Variants in CACNA1A observed in about 807,000 individuals in gnomAD.
The protein encoded by CACNA1A is voltage-dependent P/Q-type calcium channel subunit alpha-1A.
A neutral mutation model predicts 262.4 loss-of-function variants in CACNA1A; 57 were observed. The ratio of observed to expected loss-of-function variants is 0.22; its 90% CI spans 0.18 to 0.27. CACNA1A has a LOEUF of 0.27. Among genes scored for constraint, CACNA1A ranks in the 10% least tolerant of loss-of-function variants. The pLI is 1.00. For missense variants in CACNA1A, 2,526 were observed against 3,562.8 expected (o/e 0.71, Z 7.41); for synonymous variants, 1,431 against 1,419.3 (o/e 1.01, Z -0.18).
At chr19:13,386,328 G>A (rs944374460) in intron 3 of CACNA1A, among the ~76,000 whole-genome samples, 6 of 152,072 alleles carry the variant, frequency 3.9e-5, no homozygotes, top group Admixed American at 2.6e-4. Flanking sequence ...TGACCCATTC[G>A]TAGGCCTAAC....
intron 19 of CACNA1A, among the ~76,000 whole-genome samples, chr19:13,289,195 G>A (rs1370210989): frequency 7.0e-6 from 1 of 142,366 alleles, no homozygotes; most frequent in Non-Finnish European, 1.5e-5. Context: ...AGGTTGTAGT[G>A]CAGTGGCGCG....
At chr19:13,346,305 G>A (rs1253517560) in intron 6 of CACNA1A, among the ~76,000 whole-genome samples, 1 of 151,918 alleles carries the variant, frequency 6.6e-6, no homozygotes, top group African/African-American at 2.4e-5. Context: ...CAAATGCCAG[G>A]AACATCCTGC....
At chr19:13,225,001 TC>T (rs1193369760) in intron 37 of CACNA1A, 6 of 429,136 alleles carry the variant, frequency 1.4e-5, no homozygotes, top group African/African-American at 4.0e-5. Context: ...TCTCCTTTTT[TC>T]CCCCACCTGC....
intron 6 of CACNA1A, among the ~76,000 whole-genome samples, chr19:13,336,602 A>AGAGG (rs1568547480): frequency 1.2e-3 from 145 of 116,122 alleles, no homozygotes; most frequent in Middle Eastern, 4.8e-3. Context: ...AGGGAGAGAG[A>AGAGG]GAGAGAGAGA....
rs567188615 is a variant in CACNA1A, at chr19:13,435,323, C to T, written c.539+17553G>A. On this transcript the variant is annotated intron_variant, in intron 3 of 46. Transcript: ENST00000360228. ...AAGAGATGGGGTCTTGCTATATTGC[C>T]CAAGCTGGTCTCACACTCCCAATCT... Among the ~76,000 whole-genome samples the T allele has an allele frequency of 1.5e-4, 22 of 151,468 alleles. No individual in the cohort carries two copies. The South Asian group carries it at 4.4e-3, about 30-fold the overall frequency.
intron 19 of CACNA1A, 66 bp downstream of exon 19, chr19:13,298,478 C>T: frequency 7.4e-7 from 1 of 1,354,984 alleles, no homozygotes; most frequent in Non-Finnish European, 1.0e-6. Flanking sequence ...ACAGCACGTG[C>T]TACTTTGGCT....
intron 11 of CACNA1A, chr19:13,316,729 C>T (rs1301276871): frequency 1.2e-5 from 2 of 163,326 alleles, no homozygotes; most frequent in African/African-American, 4.8e-5. Flanking sequence ...AAGTTATGAA[C>T]ATTTCCAGAG....
In CACNA1A at chr19:13,286,830, C is replaced by T. The variant is rs554091859; in HGVS notation, c.3226G>A (p.Ala1076Thr). The change falls in exon 20 of 47, where the codon GCG becomes ACG. Residue 1076 changes from alanine to threonine, a missense_variant. Transcript: ENST00000360228. ...CTGCCGTGGGGAGCGGCCGACTCCG[C>T]GGTGGCCAGCTTGTTGTTCTTCATG... The part of the protein sequence containing the change: ...DNMKNNKLAT[A>T]ESAAPHGSLG... 9.5e-5 allele frequency: 153 copies of T among 1,613,520 alleles called. No individual in the cohort carries two copies. Among genetic ancestry groups the T allele is most frequent in the Non-Finnish European group, 1.1e-4 (135 of 1,179,778 alleles).
chr19:13,328,103 T>C (rs2058398177), intron 10 of CACNA1A, among the ~76,000 whole-genome samples: 1 of 151,662 alleles, frequency 6.6e-6, no homozygotes, highest in African/African-American at 2.4e-5. Flanking sequence ...TGGAGCCTTG[T>C]TATGTTGCCC....
chr19:13,336,594 G>GGGAGAGAGA (rs1555768097), intron 6 of CACNA1A, among the ~76,000 whole-genome samples: 1 of 65,494 alleles, frequency 1.5e-5, no homozygotes, highest in African/African-American at 5.1e-5. Context: ...AGAGAGAGAG[G>GGGAGAGAGA]GAGAGAGAGA....
chr19:13,389,545 C>T lies in CACNA1A; in HGVS notation c.540-17766G>A, dbSNP rs1280567496. 4.6e-5 allele frequency among the ~76,000 whole-genome samples: 7 copies of T among 152,240 alleles called. No homozygotes were observed. In the East Asian group the frequency reaches 1.2e-3, roughly 25 times the overall value. On this transcript the variant is annotated intron_variant, in intron 3 of 46. Coordinates refer to ENST00000360228, the MANE Select transcript of CACNA1A (RefSeq NM_001127222.2). ...GTGGTGCAAGACTTTCCTCTGTGCC[C>T]GCATCGCTGGAAACCCTTGGCTTAT...
rs539546830 is a variant in CACNA1A at position 13,207,394 on chromosome 19, G to T, written c.7440C>A (p.His2480Gln). 37 of 1,538,878 alleles carry T rather than the reference G, an allele frequency of 2.4e-5. No homozygotes were observed. The South Asian group carries it at 4.2e-4, about 18-fold the overall frequency. Residue 2480 changes from histidine to glutamine, a missense_variant, in exon 47 of 47, where the codon CAC becomes CAA. By Grantham distance (24) the His-to-Gln change is conservative. Coordinates refer to ENST00000360228, the MANE Select transcript of CACNA1A (RefSeq NM_001127222.2). The surrounding 1 kb of genome is among the most constrained non-coding windows in gnomAD (Gnocchi z 5.7). Reference sequence around the variant, plus strand: ...CCGGCCCGCGGGGCCTGGCCAGTCCGTGCGCCGGGTAGTAGCCGTTGGGGA... The same window carrying T: ...CCGGCCCGCGGGGCCTGGCCAGTCCTTGCGCCGGGTAGTAGCCGTTGGGGA... Reference protein sequence around the residue: ...RRLPNGYYPAHGLARPRGPGS... With the variant: ...RRLPNGYYPAQGLARPRGPGS...
intron 38 of CACNA1A, among the ~76,000 whole-genome samples, chr19:13,223,381 C>T (rs574064906): frequency 7.3e-5 from 11 of 151,696 alleles, no homozygotes; most frequent in South Asian, 6.2e-4. Flanking sequence ...TTAGTAGAGA[C>T]GGGGGTTTCA....
intron 5 of CACNA1A, among the ~76,000 whole-genome samples, chr19:13,361,195 G>A (rs565992895): frequency 6.6e-6 from 1 of 152,278 alleles, no homozygotes; most frequent in African/African-American, 2.4e-5. Context: ...TAAGGGTAAG[G>A]AACAGGAGCT....
chr19:13,418,600 C>T (rs1350234945), intron 3 of CACNA1A, among the ~76,000 whole-genome samples: 1 of 152,094 alleles, frequency 6.6e-6, no homozygotes, highest in Admixed American at 6.6e-5. Flanking sequence ...AAGAGGAGAA[C>T]GCCCTGTCAC....
At chr19:13,330,385 A>G (rs1049570894) in intron 9 of CACNA1A, 52 bp from the exon 10 acceptor site, 3 of 1,310,078 alleles carry the variant, frequency 2.3e-6, no homozygotes, top group African/African-American at 2.9e-5. Context: ...TTTTTGCAAC[A>G]CAGACCATAT....
rs1420681524 is a variant in CACNA1A at position 13,241,672 on chromosome 19, C to A, written c.4950+3510G>T. ...GGGCGGGGAGTGGGGGTGGTGGTGG[C>A]GGTGGGTTGGGAGATAAGTCATTGG... On this transcript the variant is annotated intron_variant, in intron 31 of 46. Coordinates refer to ENST00000360228, the MANE Select transcript of CACNA1A (RefSeq NM_001127222.2). This position sits in a 1 kb window ranked among gnomAD's most constrained non-coding sequence, Gnocchi z 4.0. 3 of 528,674 alleles carry A rather than the reference C, an allele frequency of 5.7e-6. No homozygotes were observed. Among genetic ancestry groups the A allele is most frequent in the South Asian group, 3.4e-5 (2 of 59,124 alleles). The allele number at this position is 528,674 out of a possible 1,614,324, so 32.7% of individuals were successfully genotyped here.
At chr19:13,376,604 AATAT>A (rs575702659) in intron 3 of CACNA1A, among the ~76,000 whole-genome samples, 1 of 148,576 alleles carries the variant, frequency 6.7e-6, no homozygotes, top group African/African-American at 2.5e-5. Flanking sequence ...TATAACACAT[AATAT>A]ATGTTATATA....
chr19:13,310,511 T>G lies in CACNA1A; in HGVS notation c.1669-1983A>C, dbSNP rs371982220. 0.061 allele frequency among the ~76,000 whole-genome samples: 1,129 copies of G among 18,360 alleles called. 243 individuals carry two copies. In the East Asian group the frequency reaches 0.62, roughly 10 times the overall value. The allele number at this position is 18,360 out of a possible 152,430, so 12.0% of individuals were successfully genotyped here. A position where few individuals can be genotyped will look rare whatever the true frequency, so the allele number is the denominator to read the frequency against. On this transcript the variant is annotated intron_variant, in intron 12 of 46. Coordinates refer to ENST00000360228, the MANE Select transcript of CACNA1A (RefSeq NM_001127222.2). ...AAAAATATATATATATATATATATA[T>G]ATGTAGAGAGAGAGAGAGAGTTTAA...
Sources: gnomAD v4.1 joint callset for allele counts (sites outside exome capture counted in the v4.1 genomes callset) on GRCh38, gnomAD v4.1.1 for gene constraint, Gnocchi (gnomAD v3.1) non-coding constraint, MANE v1.5 for transcripts, NCBI Gene and HGNC (gene_info 2026-07-23, HGNC 2026-07-21) for gene names.